Variants in ZNF407 observed in about 807,000 individuals in gnomAD.
ZNF407 encodes zinc finger protein 407.
ZNF407 carries 17 observed loss-of-function variants against 131.2 expected under a neutral mutation model. The ratio of observed to expected loss-of-function variants is 0.13; its 90% CI spans 0.09 to 0.19. The LOEUF (loss-of-function observed/expected upper bound fraction) is 0.19. Among genes scored for constraint, ZNF407 ranks in the 10% least tolerant of loss-of-function variants. The pLI is 1.00. For synonymous variants in ZNF407, 1,156 were observed against 1,062.0 expected (o/e 1.09, Z -1.72); for missense variants, 2,681 against 2,830.6 (o/e 0.95, Z 1.20).
intron 4 of ZNF407, among the ~76,000 whole-genome samples, chr18:74,860,406 G>T (rs1401500352): frequency 6.6e-6 from 1 of 151,862 alleles, no homozygotes; most frequent in Non-Finnish European, 1.5e-5. Flanking sequence ...TATATTTGTT[G>T]AGAAGTATGT....
At chr18:74,675,783 G>A (rs968382481) in intron 3 of ZNF407, among the ~76,000 whole-genome samples, 5 of 152,090 alleles carry the variant, frequency 3.3e-5, no homozygotes, top group South Asian at 4.1e-4. Context: ...CCCTCTTTCC[G>A]ACAATTCGAG....
At chr18:74,994,241 T>TA (rs10651618) in intron 8 of ZNF407, among the ~76,000 whole-genome samples, 4,587 of 149,472 alleles carry the variant, frequency 0.031, 212 homozygotes, top group African/African-American at 0.1. Context: ...AAATGGCTCA[T>TA]AAAAAAAAAA....
intron 3 of ZNF407, among the ~76,000 whole-genome samples, chr18:74,780,362 C>T (rs1049666053): frequency 1.4e-4 from 21 of 152,150 alleles, no homozygotes; most frequent in Non-Finnish European, 2.8e-4. Context: ...TGCAAGGATA[C>T]AGTACTTTAC....
In ZNF407 at chr18:74,634,154, G is replaced by A; in HGVS notation, c.3135G>A (p.Glu1045=). The part of the protein sequence containing the change: ...HVKRKHTKEF[E]FYCMACDYYA... ...AACGGAAACATACAAAAGAGTTTGAGTTTTATTGCATGGCATGCGATTACT... is the reference window on the plus strand; with the variant it reads ...AACGGAAACATACAAAAGAGTTTGAATTTTATTGCATGGCATGCGATTACT... The change falls in exon 2 of 9, where the codon GAG becomes GAA. Residue 1045 remains glutamate, a synonymous_variant. Transcript: ENST00000299687. 1 of 1,614,032 alleles carries A rather than the reference G, an allele frequency of 6.2e-7. No individual in the cohort carries two copies. The highest frequency in any genetic ancestry group is 8.5e-7 in the Non-Finnish European group (1 of 1,179,904).
intron 3 of ZNF407, among the ~76,000 whole-genome samples, chr18:74,762,742 A>T (rs372416993): frequency 6.7e-6 from 1 of 149,620 alleles, no homozygotes; most frequent in African/African-American, 2.5e-5. Context: ...TAGATTTTAG[A>T]TTTTTTCTTT....
chr18:74,673,998 A>G (rs1986256180), intron 3 of ZNF407, among the ~76,000 whole-genome samples: 1 of 152,272 alleles, frequency 6.6e-6, no homozygotes, highest in African/African-American at 2.4e-5. Context: ...CAATGCTCAC[A>G]GAAGCTAAAA....
chr18:74,732,202 A>G (rs985943835), intron 3 of ZNF407, among the ~76,000 whole-genome samples: 9 of 152,178 alleles, frequency 5.9e-5, no homozygotes, highest in Admixed American at 5.9e-4. Context: ...TGAATGGGGA[A>G]CGTCAGACTT....
chr18:75,037,786 C>A (rs1973326773), intron 8 of ZNF407, among the ~76,000 whole-genome samples: 1 of 152,130 alleles, frequency 6.6e-6, no homozygotes, highest in African/African-American at 2.4e-5. Flanking sequence ...TACAGAAACT[C>A]GGCAGGCCCC....
At chr18:74,968,299 T>C (rs770972413) in intron 8 of ZNF407, among the ~76,000 whole-genome samples, 1 of 152,226 alleles carries the variant, frequency 6.6e-6, no homozygotes, top group Non-Finnish European at 1.5e-5. Context: ...TTTTAAATAT[T>C]GTAGCCTTGA....
At chr18:74,649,718 A>G (rs753634330) in intron 3 of ZNF407, among the ~76,000 whole-genome samples, 10 of 152,146 alleles carry the variant, frequency 6.6e-5, no homozygotes, top group Admixed American at 1.3e-4. Context: ...GGCTGTTTCT[A>G]TTTTATCCCA....
chr18:74,738,510 C>T (rs1242700549), intron 3 of ZNF407, among the ~76,000 whole-genome samples: 2 of 142,874 alleles, frequency 1.4e-5, no homozygotes, highest in East Asian at 2.0e-4. Flanking sequence ...AAGGCCAAGG[C>T]GGGTGGATCA....
intron 8 of ZNF407, among the ~76,000 whole-genome samples, chr18:74,959,291 A>G (rs916841558): frequency 6.6e-6 from 1 of 152,246 alleles, no homozygotes; most frequent in African/African-American, 2.4e-5. Flanking sequence ...CATCATCATC[A>G]GTATTGTCAT....
At chr18:75,020,161 A>G (rs1973090339) in intron 8 of ZNF407, among the ~76,000 whole-genome samples, 1 of 152,184 alleles carries the variant, frequency 6.6e-6, no homozygotes, top group Non-Finnish European at 1.5e-5. Flanking sequence ...GTTCTATTTT[A>G]TTAGTTATTG....
At chr18:74,638,367 GA>G (rs1984556156) in intron 2 of ZNF407, among the ~76,000 whole-genome samples, 1 of 151,850 alleles carries the variant, frequency 6.6e-6, no homozygotes, top group Non-Finnish European at 1.5e-5. Flanking sequence ...TGAACGAGCA[GA>G]TGAATGAATG....
chr18:74,969,948 G>A (rs941121092), intron 8 of ZNF407, among the ~76,000 whole-genome samples: 4 of 152,114 alleles, frequency 2.6e-5, no homozygotes, highest in Non-Finnish European at 5.9e-5. Flanking sequence ...CCGAGACTGG[G>A]AAGAAAAGGA....
At chr18:74,710,998 C>T (rs1333507001) in intron 3 of ZNF407, among the ~76,000 whole-genome samples, 4 of 76,714 alleles carry the variant, frequency 5.2e-5, no homozygotes, top group African/African-American at 1.5e-4. Context: ...TCCATGGATG[C>T]TATTATCAAT....
intron 8 of ZNF407, among the ~76,000 whole-genome samples, chr18:74,949,354 C>T (rs976095642): frequency 3.9e-5 from 6 of 152,054 alleles, no homozygotes; most frequent in East Asian, 3.9e-4. Context: ...TCCTTGAATA[C>T]GAAATGAAAG....
chr18:74,916,945 T>C (rs1327601113), intron 7 of ZNF407, among the ~76,000 whole-genome samples: 1 of 152,118 alleles, frequency 6.6e-6, no homozygotes, highest in Admixed American at 6.5e-5. Context: ...CTTACTGAGG[T>C]AAAGGCCCAT....
chr18:74,886,002 C>T (rs200583967), intron 6 of ZNF407, among the ~76,000 whole-genome samples: 67 of 152,208 alleles, frequency 4.4e-4, no homozygotes, highest in Admixed American at 9.8e-4. Context: ...TAAAGTAAAA[C>T]TTCTCTTTAA....
Sources: gnomAD v4.1 joint callset for allele counts (sites outside exome capture counted in the v4.1 genomes callset) on GRCh38, gnomAD v4.1.1 for gene constraint, MANE v1.5 for transcripts, NCBI Gene and HGNC (gene_info 2026-07-23, HGNC 2026-07-21) for gene names.